Variants in CTNND2 observed in about 807,000 individuals in gnomAD.
The protein encoded by CTNND2 is catenin delta-2.
CTNND2 carries 22 observed loss-of-function variants against 144.4 expected under a neutral mutation model. The ratio of observed to expected loss-of-function variants is 0.15; its 90% confidence interval spans 0.11 to 0.22. The LOEUF (loss-of-function observed/expected upper bound fraction) is 0.22, where lower values mean the gene tolerates loss of function less well. Ranked by LOEUF, CTNND2 falls within the 10% of genes least tolerant of loss-of-function variation. The pLI is 1.00. For synonymous variants in CTNND2, 751 were observed against 695.6 expected (o/e 1.08, Z -1.25); for missense variants, 1,353 against 1,618.8 (o/e 0.84, Z 2.82).
chr5:11,644,945 T>C (rs560026499), intron 2 of CTNND2, among the ~76,000 whole-genome samples: 1 of 152,262 alleles, frequency 6.6e-6, no homozygotes, highest in African/African-American at 2.4e-5. Flanking sequence ...CAAATAGTTA[T>C]ATATATGTAT....
chr5:11,011,061 G>T (rs949373303), intron 18 of CTNND2, among the ~76,000 whole-genome samples: 3 of 152,158 alleles, frequency 2.0e-5, no homozygotes, highest in African/African-American at 7.2e-5. Context: ...TGGAGTGGAG[G>T]GGGGCACAAC....
At chr5:11,367,594 A>G (rs967881936) in intron 7 of CTNND2, among the ~76,000 whole-genome samples, 3 of 152,222 alleles carry the variant, frequency 2.0e-5, no homozygotes, top group Non-Finnish European at 2.9e-5. Flanking sequence ...AACGTCATTC[A>G]TGAGAATTTA....
chr5:11,682,614 C>T (rs1054508220), intron 2 of CTNND2, among the ~76,000 whole-genome samples: 1 of 152,128 alleles, frequency 6.6e-6, no homozygotes, highest in Non-Finnish European at 1.5e-5. Flanking sequence ...TTTGGAGCTA[C>T]ATAAATCATA....
intron 11 of CTNND2, among the ~76,000 whole-genome samples, chr5:11,172,055 G>C (rs6897563): frequency 7.2e-5 from 11 of 152,236 alleles, no homozygotes; most frequent in African/African-American, 2.6e-4. Context: ...TAAAAACAAT[G>C]ACAAAAATGG....
At chr5:11,681,947 CAT>C (rs542312940) in intron 2 of CTNND2, among the ~76,000 whole-genome samples, 193 of 152,314 alleles carry the variant, frequency 1.3e-3, no homozygotes, top group African/African-American at 4.6e-3. Flanking sequence ...GCTGTCTACA[CAT>C]GAGATGACTG....
chr5:11,472,296 T>C (rs753320721), intron 3 of CTNND2, among the ~76,000 whole-genome samples: 13 of 152,240 alleles, frequency 8.5e-5, no homozygotes, highest in Non-Finnish European at 1.5e-4. Context: ...TTGACGTAGC[T>C]TTGTATAACA....
At chr5:11,684,565 A>G (rs1561691492) in intron 2 of CTNND2, among the ~76,000 whole-genome samples, 2 of 152,220 alleles carry the variant, frequency 1.3e-5, no homozygotes, top group Non-Finnish European at 2.9e-5. Flanking sequence ...ATTTCTTCCA[A>G]TAAGATCAAG....
At chr5:11,829,476 G>C (rs1220635715) in intron 1 of CTNND2, among the ~76,000 whole-genome samples, 2 of 152,196 alleles carry the variant, frequency 1.3e-5, no homozygotes, top group Non-Finnish European at 2.9e-5. Flanking sequence ...AGTCATGGCT[G>C]AAAGGAGCCA....
intron 3 of CTNND2, among the ~76,000 whole-genome samples, chr5:11,473,566 A>G (rs897345433): frequency 5.3e-5 from 8 of 152,230 alleles, no homozygotes; most frequent in Non-Finnish European, 1.0e-4. Context: ...GAAGTCACTG[A>G]AACACTCAAC....
intron 2 of CTNND2, among the ~76,000 whole-genome samples, chr5:11,577,859 CTA>C (rs915246863): frequency 2.0e-5 from 3 of 152,144 alleles, no homozygotes; most frequent in Non-Finnish European, 4.4e-5. Flanking sequence ...TAAAATTTAA[CTA>C]TGTTTTTGAC....
intron 2 of CTNND2, among the ~76,000 whole-genome samples, chr5:11,686,652 T>C (rs1784663092): frequency 6.6e-6 from 1 of 151,814 alleles, no homozygotes; most frequent in Admixed American, 6.6e-5. Flanking sequence ...AGAAATGTAA[T>C]AAATTTCTAA....
intron 1 of CTNND2, among the ~76,000 whole-genome samples, chr5:11,821,896 C>A (rs974793664): frequency 6.6e-6 from 1 of 152,080 alleles, no homozygotes; most frequent in Non-Finnish European, 1.5e-5. Flanking sequence ...TCCTAATAAA[C>A]CACCAGCCCA....
intron 9 of CTNND2, among the ~76,000 whole-genome samples, chr5:11,250,456 GCTCTCTCTCTCTCTCTCTCT>G (rs71595810): frequency 5.5e-5 from 4 of 73,166 alleles, no homozygotes; most frequent in African/African-American, 2.2e-4. Context: ...TTTAAAGGGT[GCTCTCTCTCTCTCTCTCTCT>G]CTCTCTCTCT....
chr5:11,281,271 T>C (rs1423492988), intron 9 of CTNND2, among the ~76,000 whole-genome samples: 3 of 152,224 alleles, frequency 2.0e-5, no homozygotes, highest in African/African-American at 7.2e-5. Flanking sequence ...TTTACATTAT[T>C]GACTAAAATG....
At chr5:11,549,946 A>G (rs977638883) in intron 3 of CTNND2, among the ~76,000 whole-genome samples, 1 of 152,226 alleles carries the variant, frequency 6.6e-6, no homozygotes, top group Admixed American at 6.5e-5. Flanking sequence ...AAGGAAAGCC[A>G]TAAGTAAATA....
intron 3 of CTNND2, among the ~76,000 whole-genome samples, chr5:11,488,366 T>C (rs1769046489): frequency 1.3e-5 from 2 of 152,274 alleles, no homozygotes; most frequent in South Asian, 2.1e-4. Flanking sequence ...ATCTCGCTAC[T>C]TCTCTTGCCC....
chr5:10,978,824 A>G (rs1317018747), intron 21 of CTNND2, among the ~76,000 whole-genome samples: 1 of 152,230 alleles, frequency 6.6e-6, no homozygotes, highest in African/African-American at 2.4e-5. Flanking sequence ...GTTCACACTC[A>G]TGGCAAGGAT....
At chr5:11,682,689 T>C (rs2126631052) in intron 2 of CTNND2, among the ~76,000 whole-genome samples, 1 of 152,262 alleles carries the variant, frequency 6.6e-6, no homozygotes, top group South Asian at 2.1e-4. Flanking sequence ...TTAATTGCAA[T>C]ACAGAAAATT....
intron 3 of CTNND2, among the ~76,000 whole-genome samples, chr5:11,521,750 G>C (rs541821913): frequency 2.9e-4 from 44 of 152,304 alleles, no homozygotes; most frequent in Non-Finnish European, 4.6e-4. Flanking sequence ...TCTGAGGCTA[G>C]ATGAAGTATC....
Sources: allele counts gnomAD v4.1 joint callset (sites outside exome capture counted in the v4.1 genomes callset), GRCh38; gene constraint gnomAD v4.1.1; transcripts MANE v1.5; gene names NCBI Gene and HGNC (gene_info 2026-07-23, HGNC 2026-07-21).